PPP1R21: variants seen among roughly 807,000 people sequenced by gnomAD.
PPP1R21 encodes KLRAQ motif containing 1.
In PPP1R21, 85 loss-of-function variants were observed where a neutral mutation model predicts 112.8. The ratio of observed to expected loss-of-function variants is 0.75; its 90% CI spans 0.63 to 0.90. PPP1R21 has a LOEUF of 0.90. PPP1R21 is among the 40% of genes least tolerant of loss of function. The probability of loss-of-function intolerance (pLI) is 0.00; values close to 1 mark genes in which losing one functional copy is unlikely to be tolerated. For missense variants in PPP1R21, 1,199 were observed against 901.5 expected (o/e 1.33, Z -4.23); for synonymous variants, 381 against 322.3 (o/e 1.18, Z -1.95).
At chr2:48,455,940 G>C (rs1667702581) in intron 3 of PPP1R21, among the ~76,000 whole-genome samples, 1 of 150,300 alleles carries the variant, frequency 6.7e-6, no homozygotes, top group East Asian at 2.0e-4. Context: ...GCGTGAACCT[G>C]GGAGGCAGAG....
intron 13 of PPP1R21, among the ~76,000 whole-genome samples, chr2:48,483,929 C>A (rs777017702): frequency 1.3e-5 from 2 of 151,976 alleles, no homozygotes; most frequent in Non-Finnish European, 2.9e-5. Context: ...CTCAAGTGAT[C>A]CTTCTGCTTC....
intron 7 of PPP1R21, among the ~76,000 whole-genome samples, chr2:48,461,755 AAATTTGCAAC>A (rs1421418312): frequency 6.6e-6 from 1 of 152,236 alleles, no homozygotes; most frequent in Non-Finnish European, 1.5e-5. Flanking sequence ...AATAGGTGCC[AAATTTGCAAC>A]CTTTAGGTAA....
chr2:48,472,118 T>C (rs1352589150), intron 11 of PPP1R21, among the ~76,000 whole-genome samples: 1 of 151,406 alleles, frequency 6.6e-6, no homozygotes, highest in African/African-American at 2.4e-5. Context: ...TGCATCCCTA[T>C]AGTCCCAGCT....
chr2:48,446,489 GGA>G (rs1318848078), intron 1 of PPP1R21, among the ~76,000 whole-genome samples: 2 of 152,024 alleles, frequency 1.3e-5, no homozygotes, highest in African/African-American at 4.8e-5. Flanking sequence ...CAAATTATTT[GGA>G]GAGTCTTAAA....
chr2:48,501,196 T>A (rs929747634), intron 17 of PPP1R21, among the ~76,000 whole-genome samples: 52 of 152,178 alleles, frequency 3.4e-4, no homozygotes, highest in Non-Finnish European at 1.6e-4. Flanking sequence ...CCAACATCCA[T>A]CCAAATAGCA....
intron 3 of PPP1R21, among the ~76,000 whole-genome samples, chr2:48,455,153 T>A (rs1400733353): frequency 6.7e-6 from 1 of 150,010 alleles, no homozygotes; most frequent in Non-Finnish European, 1.5e-5. Context: ...TTTTTTTTTT[T>A]TTTTTTTTTT....
intron 13 of PPP1R21, among the ~76,000 whole-genome samples, chr2:48,485,037 T>C (rs1669217650): frequency 6.6e-6 from 1 of 152,018 alleles, no homozygotes; most frequent in Admixed American, 6.5e-5. Context: ...CAATTCAGTA[T>C]ACAAAAAGCA....
chr2:48,472,840 A>G (rs950117093), intron 11 of PPP1R21, among the ~76,000 whole-genome samples: 1 of 151,708 alleles, frequency 6.6e-6, no homozygotes, highest in African/African-American at 2.4e-5. Context: ...AGTCCTAGCT[A>G]CTTAGGAGGC....
At chr2:48,449,118 A>T (rs1341915073) in intron 1 of PPP1R21, among the ~76,000 whole-genome samples, 2 of 151,962 alleles carry the variant, frequency 1.3e-5, no homozygotes, top group East Asian at 1.9e-4. Flanking sequence ...AAAATAGAGA[A>T]CATATCTTTT....
intron 17 of PPP1R21, among the ~76,000 whole-genome samples, chr2:48,500,523 A>C (rs554000307): frequency 6.6e-6 from 1 of 152,162 alleles, no homozygotes; most frequent in African/African-American, 2.4e-5. Flanking sequence ...TAGAAAAGCA[A>C]CAAATAGAAA....
chr2:48,502,615 G>A (rs111265501), intron 17 of PPP1R21, among the ~76,000 whole-genome samples: 2,327 of 151,618 alleles, frequency 0.015, 53 homozygotes, highest in African/African-American at 0.052. Flanking sequence ...TCATCCTACA[G>A]GGAGATTACT....
At chr2:48,453,454 A>T (rs947440083) in intron 2 of PPP1R21, among the ~76,000 whole-genome samples, 1 of 152,224 alleles carries the variant, frequency 6.6e-6, no homozygotes, top group South Asian at 2.1e-4. Flanking sequence ...CGGCTTCCCA[A>T]AGTGCTGGGA....
At chr2:48,481,795 T>G (rs1260167045) in intron 13 of PPP1R21, among the ~76,000 whole-genome samples, 1 of 152,156 alleles carries the variant, frequency 6.6e-6, no homozygotes, top group Non-Finnish European at 1.5e-5. Flanking sequence ...TAATCTGAAA[T>G]CCAAAATGCT....
At chr2:48,480,222 A>G (rs1398703025) in intron 13 of PPP1R21, among the ~76,000 whole-genome samples, 2 of 152,184 alleles carry the variant, frequency 1.3e-5, no homozygotes, top group East Asian at 1.9e-4. Context: ...CTGAAGAGAA[A>G]TCCTTGTGTA....
At position 48,440,832 on chromosome 2, in the gene PPP1R21, C is replaced by CGGCTGCGGT. The variant is rs998391632; in HGVS notation, c.-118_-110dup. ...GGAGGCGCGGCGGCGGCGGCGGCGGCGGCTGCGGTGGCCAAGCAGGCAGAT... is the reference window on the plus strand; with the variant it reads ...GGAGGCGCGGCGGCGGCGGCGGCGGCGGCTGCGGTGGCTGCGGTGGCCAAGCAGGCAGAT... On this transcript the variant is annotated 5_prime_UTR_variant, in exon 1 of 22. Coordinates refer to ENST00000294952, the MANE Select transcript of PPP1R21 (RefSeq NM_001135629.3). 5 of 697,252 alleles carry CGGCTGCGGT rather than the reference C, an allele frequency of 7.2e-6. No homozygotes were observed. The highest frequency in any genetic ancestry group is 1.9e-5 in the African/African-American group (1 of 52,220). 43.2% of individuals were successfully genotyped at this position (697,252 alleles called of 1,614,324 possible). A position where few individuals can be genotyped will look rare whatever the true frequency, so the allele number is the denominator to read the frequency against.
chr2:48,441,180 A>G (rs1276843681), intron 1 of PPP1R21, 170 bp downstream of exon 1: 2 of 630,194 alleles, frequency 3.2e-6, no homozygotes, highest in African/African-American at 2.0e-5. Flanking sequence ...TGCAGCTCCC[A>G]GGAGATGGGG....
intron 2 of PPP1R21, among the ~76,000 whole-genome samples, chr2:48,454,092 C>T (rs1377438391): frequency 2.6e-5 from 4 of 152,092 alleles, no homozygotes; most frequent in South Asian, 4.1e-4. Flanking sequence ...AATGCTGTCT[C>T]TACTAAAAAT....
At chr2:48,488,047 T>C (rs1258468602) in intron 14 of PPP1R21, among the ~76,000 whole-genome samples, 1 of 152,188 alleles carries the variant, frequency 6.6e-6, no homozygotes, top group Non-Finnish European at 1.5e-5. Flanking sequence ...ACAAATATTC[T>C]TCAAGTGATT....
At chr2:48,468,079 C>A (rs915352158) in intron 9 of PPP1R21, among the ~76,000 whole-genome samples, 1 of 152,190 alleles carries the variant, frequency 6.6e-6, no homozygotes, top group African/African-American at 2.4e-5. Context: ...CCTGGGTTCC[C>A]AGTCCATTTC....
Sources: gnomAD v4.1 joint callset for allele counts (sites outside exome capture counted in the v4.1 genomes callset) on GRCh38, gnomAD v4.1.1 for gene constraint, MANE v1.5 for transcripts, NCBI Gene and HGNC (gene_info 2026-07-23, HGNC 2026-07-21) for gene names.